E2F7: variants seen among roughly 807,000 people sequenced by gnomAD.
The protein encoded by E2F7 is E2F transcription factor 7, also known as transcription factor E2F7.
A neutral mutation model predicts 81.1 loss-of-function variants in E2F7; 35 were observed. The ratio of observed to expected loss-of-function variants is 0.43; its 90% CI spans 0.33 to 0.57. The LOEUF is 0.57. Among genes scored for constraint, E2F7 ranks in the 20% least tolerant of loss-of-function variants. The pLI is 0.04. For missense variants in E2F7, 961 were observed against 1,093.7 expected (o/e 0.88, Z 1.71); for synonymous variants, 416 against 416.2 (o/e 1.00, Z 0.01).
In E2F7 at chr12:77,050,153, C is replaced by T. The variant is rs536834806; in HGVS notation, c.538+423G>A. Reference sequence around the variant, plus strand: ...ATTGTATAGGGCTTTAAACATAATGCTCTTCCTCTCAAATCTTGCTTTACA... The same window carrying T: ...ATTGTATAGGGCTTTAAACATAATGTTCTTCCTCTCAAATCTTGCTTTACA... On this transcript the variant is annotated intron_variant, in intron 4 of 12. Coordinates refer to ENST00000322886, the MANE Select transcript of E2F7 (RefSeq NM_203394.3). Among the ~76,000 whole-genome samples, 6 of 152,298 alleles carry T rather than the reference C, an allele frequency of 3.9e-5. No homozygotes were observed. In the East Asian group the frequency reaches 1.2e-3, roughly 29 times the overall value.
At chr12:77,059,326 G>A (rs1244895271) in intron 2 of E2F7, among the ~76,000 whole-genome samples, 1 of 152,152 alleles carries the variant, frequency 6.6e-6, no homozygotes, top group Non-Finnish European at 1.5e-5. Context: ...GTCCTGCTAT[G>A]CTGACAGCAT....
intron 3 of E2F7, among the ~76,000 whole-genome samples, chr12:77,052,890 G>A (rs1160870529): frequency 6.6e-6 from 1 of 151,950 alleles, no homozygotes. Flanking sequence ...AAAAAACATG[G>A]TGGCCAGTAA....
At chr12:77,041,564 C>G (rs541074099) in intron 7 of E2F7, among the ~76,000 whole-genome samples, 1 of 152,268 alleles carries the variant, frequency 6.6e-6, no homozygotes, top group East Asian at 1.9e-4. Flanking sequence ...TCTGAAGACT[C>G]TTGGTTAATT....
At chr12:77,062,180 A>G (rs751555595) in intron 2 of E2F7, among the ~76,000 whole-genome samples, 20 of 152,224 alleles carry the variant, frequency 1.3e-4, no homozygotes, top group Non-Finnish European at 1.2e-4. Context: ...GTGCTTTACA[A>G]AAACTCAATG....
Position 77,023,136 on chromosome 12 carries a change from C to G in E2F7, c.*879G>C, listed in dbSNP as rs549374465. 1 of 152,212 alleles carries G rather than the reference C, an allele frequency of 6.6e-6. No individual in the cohort carries two copies. Among genetic ancestry groups the G allele is most frequent in the African/African-American group, 2.4e-5 (1 of 41,436 alleles). The allele number at this position is 152,212 out of a possible 1,614,324, so 9.4% of individuals were successfully genotyped here. On this transcript the variant is annotated 3_prime_UTR_variant, in exon 13 of 13. Transcript: ENST00000322886. ...GTTAGAAGGCATCCATATCTGATGG[C>G]GCTACAGCTAAATATTTAAATAAAA...
At position 77,055,845 on chromosome 12, in the gene E2F7, G is replaced by A. The variant is rs763012635; in HGVS notation, c.369+10C>T. The A allele has an allele frequency of 6.3e-7, 1 of 1,582,558 alleles. No individual in the cohort carries two copies. ...TTCTAAAAAATCCCTGAGGAGCACA[G>A]TCTGTTTACCTGTAGAGAATCTGTA... On this transcript the variant is annotated intron_variant, in intron 3 of 12. Transcript: ENST00000322886.
chr12:77,065,218 C>T (rs1955109586), intron 1 of E2F7, 127 bp downstream of exon 1: 1 of 152,352 alleles, frequency 6.6e-6, no homozygotes, highest in African/African-American at 2.4e-5. Context: ...ACCGGGTTCC[C>T]CGGCAGAAAC....
rs1332756720 is a variant in E2F7 at position 77,021,457 on chromosome 12, A to AACT, written c.*2555_*2557dup. ...AGCAATAAAATTAATACCTACATACAACTAGCAGTGCAATAAGATAAGCAG... is the reference window on the plus strand; with the variant it reads ...AGCAATAAAATTAATACCTACATACAACTACTAGCAGTGCAATAAGATAAGCAG... On this transcript the variant is annotated 3_prime_UTR_variant, in exon 13 of 13. Transcript: ENST00000322886. 1.3e-5 allele frequency: 2 copies of AACT among 152,770 alleles called. No homozygotes were observed. Among genetic ancestry groups the AACT allele is most frequent in the East Asian group, 3.9e-4 (2 of 5,190 alleles). 9.5% of individuals were successfully genotyped at this position (152,770 alleles called of 1,614,324 possible).
At chr12:77,061,618 GAA>G (rs1421740831) in intron 2 of E2F7, among the ~76,000 whole-genome samples, 1 of 152,204 alleles carries the variant, frequency 6.6e-6, no homozygotes, top group Non-Finnish European at 1.5e-5. Flanking sequence ...ATGTTTTAAA[GAA>G]AAGTTTCTCC....
intron 6 of E2F7, 96 bp from the exon 7 acceptor site, chr12:77,043,295 C>G: frequency 6.5e-7 from 1 of 1,544,944 alleles, no homozygotes; most frequent in Non-Finnish European, 8.8e-7. Flanking sequence ...GCCATATAAA[C>G]CTCAGGTGGA....
intron 9 of E2F7, among the ~76,000 whole-genome samples, chr12:77,031,668 CA>C (rs1288173821): frequency 6.6e-6 from 1 of 151,912 alleles, no homozygotes; most frequent in African/African-American, 2.4e-5. Context: ...AAGCAGAAAA[CA>C]AAACAAAACA....
chr12:77,054,022 C>G (rs1424253385), intron 3 of E2F7, among the ~76,000 whole-genome samples: 1 of 152,022 alleles, frequency 6.6e-6, no homozygotes, highest in African/African-American at 2.4e-5. Flanking sequence ...TGTTTTAACA[C>G]TGAGTACCCC....
Position 77,030,234 on chromosome 12 carries a change from A to G in E2F7, c.1481T>C (p.Val494Ala). The change falls in exon 10 of 13, where the codon GTT (valine) becomes GCT (alanine). Residue 494 changes from valine (V) to alanine (A), a missense_variant. Val to Ala is a moderately conservative substitution (Grantham distance 64). Transcript: ENST00000322886. Reference sequence around the variant, plus strand: ...AAATACTGGGTGGGCTAAAGGATTAACACAATATTCTGGGTCAACAGAGAG... The same window carrying G: ...AAATACTGGGTGGGCTAAAGGATTAGCACAATATTCTGGGTCAACAGAGAG... ...PVLSVDPEYC[V>A]NPLAHPVFSV... is the part of the protein sequence containing the mutation. 1.2e-6 allele frequency: 2 copies of G among 1,613,948 alleles called. No individual in the cohort carries two copies. Among genetic ancestry groups the G allele is most frequent in the Non-Finnish European group, 1.7e-6 (2 of 1,179,864 alleles).
At chr12:77,046,372 T>C (rs774111136) in intron 4 of E2F7, 44 bp from the exon 5 acceptor site, 8 of 1,578,268 alleles carry the variant, frequency 5.1e-6, no homozygotes, top group African/African-American at 1.4e-5. Context: ...CAGACAAACA[T>C]TTTTGAAGAG....
At chr12:77,063,794 TA>T (rs1294989017) in intron 2 of E2F7, among the ~76,000 whole-genome samples, 1 of 152,174 alleles carries the variant, frequency 6.6e-6, no homozygotes, top group East Asian at 1.9e-4. Flanking sequence ...AGCCTAAAAA[TA>T]AGACCAGGAG....
At chr12:77,059,722 G>T (rs1402946922) in intron 2 of E2F7, among the ~76,000 whole-genome samples, 1 of 152,106 alleles carries the variant, frequency 6.6e-6, no homozygotes, top group African/African-American at 2.4e-5. Context: ...ACTCTGGGAG[G>T]CCAAGGCAGG....
chr12:77,035,395 G>A (rs1444367151), intron 7 of E2F7, among the ~76,000 whole-genome samples: 1 of 152,178 alleles, frequency 6.6e-6, no homozygotes. Context: ...AAGCACTAGA[G>A]GGTACAATGC....
chr12:77,050,778 G>A, intron 3 of E2F7, 34 bp from the exon 4 acceptor site: 1 of 1,604,156 alleles, frequency 6.2e-7, no homozygotes, highest in Non-Finnish European at 8.5e-7. Flanking sequence ...GGGGGAAGAT[G>A]TCACAGTTAA....
chr12:77,056,467 C>CT (rs1185687150), intron 2 of E2F7, among the ~76,000 whole-genome samples: 6 of 152,066 alleles, frequency 3.9e-5, no homozygotes, highest in Non-Finnish European at 7.4e-5. Context: ...TAAGTGTCAC[C>CT]TTTTTTAAAA....
Sources: allele counts gnomAD v4.1 joint callset (sites outside exome capture counted in the v4.1 genomes callset), GRCh38; gene constraint gnomAD v4.1.1; transcripts MANE v1.5; gene names NCBI Gene and HGNC (gene_info 2026-07-23, HGNC 2026-07-21).